WNT4: variants seen among roughly 807,000 people sequenced by gnomAD.
The protein encoded by WNT4 is protein Wnt-4.
A neutral mutation model predicts 34.5 loss-of-function variants in WNT4; 16 were observed. That is an observed-to-expected ratio of 0.46 (90% CI 0.31 to 0.70). The LOEUF (loss-of-function observed/expected upper bound fraction) is 0.70, where lower values mean the gene tolerates loss of function less well. WNT4 is among the 30% of genes least tolerant of loss of function. The pLI is 0.04. For missense variants in WNT4, 379 were observed against 495.9 expected (o/e 0.76, Z 2.24); for synonymous variants, 200 against 211.9 (o/e 0.94, Z 0.49).
Position 22,137,621 on chromosome 1 carries a change from G to A in WNT4, c.77+5225C>T, listed in dbSNP as rs1300198475. On this transcript the variant is annotated intron_variant, in intron 1 of 4. Coordinates refer to ENST00000290167, the MANE Select transcript of WNT4 (RefSeq NM_030761.5). The surrounding 1 kb of genome is among the most constrained non-coding windows in gnomAD (Gnocchi z 5.3). ...TTTGGGGAGCACTGTCTTGTCAGATGCTTGCTGTGTTGCTCAATTGCTAAT... is the reference window on the plus strand; with the variant it reads ...TTTGGGGAGCACTGTCTTGTCAGATACTTGCTGTGTTGCTCAATTGCTAAT... 6.6e-6 allele frequency among the ~76,000 whole-genome samples: 1 copy of A among 152,258 alleles called. No individual in the cohort carries two copies. The highest frequency in any genetic ancestry group is 1.5e-5 in the Non-Finnish European group (1 of 68,036).
intron 2 of WNT4, among the ~76,000 whole-genome samples, chr1:22,126,297 C>T (rs986792245): frequency 5.9e-5 from 9 of 152,246 alleles, no homozygotes; most frequent in East Asian, 1.9e-4. Context: ...AGCCCTGAGC[C>T]GTGTGGGGGT....
chr1:22,124,355 C>G (rs1258670255), intron 2 of WNT4, among the ~76,000 whole-genome samples: 2 of 152,242 alleles, frequency 1.3e-5, no homozygotes, highest in Non-Finnish European at 2.9e-5. Context: ...CAGCTCCTTT[C>G]TTCCTGCTGT....
chr1:22,126,641 C>T (rs748631062), intron 2 of WNT4, among the ~76,000 whole-genome samples: 26 of 152,216 alleles, frequency 1.7e-4, no homozygotes, highest in Non-Finnish European at 3.2e-4. Flanking sequence ...GCTTTGTCTT[C>T]CATGTCTGAC....
chr1:22,130,159 T>C (rs772133355), intron 1 of WNT4, among the ~76,000 whole-genome samples: 2 of 152,202 alleles, frequency 1.3e-5, no homozygotes, highest in Non-Finnish European at 2.9e-5. Context: ...CGTGCCACTG[T>C]CTGTGCCAGG....
At chr1:22,135,294 A>T (rs1313668812) in intron 1 of WNT4, among the ~76,000 whole-genome samples, 1 of 152,246 alleles carries the variant, frequency 6.6e-6, no homozygotes, top group Non-Finnish European at 1.5e-5. Flanking sequence ...AGGGCTGGCT[A>T]GGCAGGTGTC....
At chr1:22,127,447 A>G in intron 2 of WNT4, 1 of 533,392 alleles carries the variant, frequency 1.9e-6, no homozygotes, top group Non-Finnish European at 3.8e-6. Context: ...TCAGTAGATG[A>G]CATCCACTGT....
Position 22,121,268 on chromosome 1 carries a change from C to T in WNT4, c.531G>A (p.Lys177=), listed in dbSNP as rs548137838. 11 of 1,614,126 alleles carry T rather than the reference C, an allele frequency of 6.8e-6. No homozygotes were observed. Among genetic ancestry groups the T allele is most frequent in the African/African-American group, 4.0e-5 (3 of 75,036 alleles). ...TGAGGGCTCTGCTGGACGAGGCCCC[C>T]TTGCTTCTCTCCCGCACATCCACAA... ...QSFVDVRERS[K]GASSSRALMN... The change falls in exon 4 of 5, where the codon AAG becomes AAA. Residue 177 remains lysine, a synonymous_variant. Coordinates refer to ENST00000290167, the MANE Select transcript of WNT4 (RefSeq NM_030761.5).
chr1:22,120,000 G>A lies in WNT4; in HGVS notation c.*50C>T, dbSNP rs1246762711. On this transcript the variant is annotated 3_prime_UTR_variant, in exon 5 of 5. Transcript: ENST00000290167. Reference sequence around the variant, plus strand: ...GTGGTGGGAGACTGTTTAAATTATCGGCCTTCCCTGGGCCACTAGGTGGTT... The same window carrying A: ...GTGGTGGGAGACTGTTTAAATTATCAGCCTTCCCTGGGCCACTAGGTGGTT... The A allele has an allele frequency of 6.3e-6, 10 of 1,588,078 alleles. No homozygotes were observed. The highest frequency in any genetic ancestry group is 4.4e-5 in the South Asian group (4 of 90,102).
chr1:22,140,729 C>T lies in WNT4; in HGVS notation c.77+2117G>A, dbSNP rs577421184. 4.9e-4 allele frequency among the ~76,000 whole-genome samples: 74 copies of T among 152,346 alleles called. No individual in the cohort carries two copies. Among genetic ancestry groups the T allele is most frequent in the African/African-American group, 8.4e-4 (35 of 41,572 alleles). On this transcript the variant is annotated intron_variant, in intron 1 of 4. Transcript: ENST00000290167. This position sits in a 1 kb window ranked among gnomAD's most constrained non-coding sequence, Gnocchi z 5.9. Reference sequence around the variant, plus strand: ...GGAGGGTCCTGGGAAGCCTCTTGTTCCTCTTGCCTTGGGTGGAGCAGAGAG... The same window carrying T: ...GGAGGGTCCTGGGAAGCCTCTTGTTTCTCTTGCCTTGGGTGGAGCAGAGAG...
chr1:22,127,347 C>T (rs752228162), intron 2 of WNT4: 9 of 532,358 alleles, frequency 1.7e-5, no homozygotes, highest in Non-Finnish European at 1.5e-5. Flanking sequence ...CTCATGGGGT[C>T]CTGAGTACCC....
intron 2 of WNT4, among the ~76,000 whole-genome samples, 168 bp from the exon 3 acceptor site, chr1:22,121,744 C>T (rs1645900472): frequency 6.6e-6 from 1 of 152,226 alleles, no homozygotes; most frequent in African/African-American, 2.4e-5. Context: ...TCTTATCACA[C>T]CAATAGCTGA....
chr1:22,127,589 G>T (rs778323516), intron 2 of WNT4: 141 of 421,292 alleles, frequency 3.3e-4, no homozygotes, highest in Middle Eastern at 7.7e-4. Context: ...AATCTAAAAG[G>T]TGTGCTAGAA....
chr1:22,134,783 T>G lies in WNT4; in HGVS notation c.78-4932A>C, dbSNP rs951034704. Among the ~76,000 whole-genome samples the G allele has an allele frequency of 2.0e-5, 3 of 152,140 alleles. No homozygotes were observed. Among genetic ancestry groups the G allele is most frequent in the African/African-American group, 7.2e-5 (3 of 41,442 alleles). On this transcript the variant is annotated intron_variant, in intron 1 of 4. Transcript: ENST00000290167. This position sits in a 1 kb window ranked among gnomAD's most constrained non-coding sequence, Gnocchi z 4.1. The stretch of plus-strand genomic sequence containing the variant: ...CCACCCCTCCCACAGCCTCTCCCAG[T>G]TCCTCTGGCCACCCCTCTGCTGCAC...
intron 2 of WNT4, among the ~76,000 whole-genome samples, chr1:22,122,972 G>C (rs1645913420): frequency 6.6e-6 from 1 of 152,214 alleles, no homozygotes; most frequent in South Asian, 2.1e-4. Flanking sequence ...GCACTGGGGG[G>C]CTTGGCTGGA....
intron 2 of WNT4, among the ~76,000 whole-genome samples, chr1:22,129,405 C>A (rs752014199): frequency 3.3e-5 from 5 of 152,200 alleles, no homozygotes; most frequent in African/African-American, 4.8e-5. Context: ...TTCTGATGGC[C>A]CCCATCCCAC....
At position 22,142,618 on chromosome 1, in the gene WNT4, CCT is replaced by C. The variant is rs1646079464; in HGVS notation, c.77+226_77+227del. 6.6e-6 allele frequency among the ~76,000 whole-genome samples: 1 copy of C among 151,920 alleles called. No homozygotes were observed. On this transcript the variant is annotated intron_variant, in intron 1 of 4. Transcript: ENST00000290167. This position sits in a 1 kb window ranked among gnomAD's most constrained non-coding sequence, Gnocchi z 6.0. ...CGGTGCGGACGCCGCCACAGCCACC[CCT>C]GACGCCTCTGGGCAGGGAGCCGGAC...
At chr1:22,127,531 G>A (rs775146776) in intron 2 of WNT4, 3 of 506,470 alleles carry the variant, frequency 5.9e-6, no homozygotes, top group South Asian at 1.5e-5. Context: ...CAAAGGGCCC[G>A]AGTCCTAGTG....
At position 22,121,564 on chromosome 1, in the gene WNT4, G is replaced by A. The variant is rs1267314906; in HGVS notation, c.326C>T (p.Ala109Val). ...CGAAGAGATGGCGTACACGAAGGCC[G>A]CCTCCCGAGTCCCTGTGGGAGGCAG... is the stretch of plus-strand genomic sequence containing the variant. The part of the protein sequence containing the change: ...GKVVTQGTRE[A>V]AFVYAISSAG... Residue 109 changes from alanine (A) to valine (V), a missense_variant, in exon 3 of 5, where the codon GCG (alanine) becomes GTG (valine). This residue lies in a region of WNT4 where 313 missense variants were observed against 445.8 expected (regional missense o/e 0.70). Transcript: ENST00000290167. 3 of 1,613,186 alleles carry A rather than the reference G, an allele frequency of 1.9e-6. No homozygotes were observed. Among genetic ancestry groups the A allele is most frequent in the Non-Finnish European group, 2.5e-6 (3 of 1,180,024 alleles).
chr1:22,128,697 C>T (rs116736185), intron 2 of WNT4, among the ~76,000 whole-genome samples: 2,090 of 152,124 alleles, frequency 0.014, 22 homozygotes, highest in South Asian at 0.045. Context: ...GGTTGAGTCC[C>T]GGCTCTACCA....
Sources: gnomAD v4.1 joint callset for allele counts (sites outside exome capture counted in the v4.1 genomes callset) on GRCh38, gnomAD v4.1.1 for gene constraint, gnomAD v4.1.1 regional missense constraint, Gnocchi (gnomAD v3.1) non-coding constraint, MANE v1.5 for transcripts, NCBI Gene and HGNC (gene_info 2026-07-23, HGNC 2026-07-21) for gene names.